PKP4: variants seen among roughly 807,000 people sequenced by gnomAD.
PKP4 encodes plakophilin-4.
Under a neutral mutation model 145.1 loss-of-function variants are expected in PKP4, and 90 were observed. The observed-to-expected ratio is 0.62, with a 90% CI of 0.52 to 0.74. PKP4 has a LOEUF of 0.74. Ranked by LOEUF, PKP4 falls within the 30% of genes least tolerant of loss-of-function variation. The pLI is 0.00. For synonymous variants in PKP4, 563 were observed against 577.2 expected (o/e 0.98, Z 0.35); for missense variants, 1,340 against 1,482.7 (o/e 0.90, Z 1.58).
At chr2:158,634,042 A>C in intron 8 of PKP4, 28 bp from the exon 9 acceptor site, 1 of 1,261,380 alleles carries the variant, frequency 7.9e-7, no homozygotes, top group Non-Finnish European at 1.2e-6. Context: ...AGAACATACT[A>C]ATCTTTTTCA....
intron 3 of PKP4, among the ~76,000 whole-genome samples, chr2:158,592,106 T>TATCATC (rs1292005355): frequency 1.3e-5 from 2 of 152,090 alleles, no homozygotes; most frequent in Non-Finnish European, 2.9e-5. Context: ...CCATTATCAT[T>TATCATC]ATCATCATTC....
At chr2:158,657,986 G>A in intron 11 of PKP4, 145 bp from the exon 12 acceptor site, 1 of 607,796 alleles carries the variant, frequency 1.6e-6, no homozygotes, top group Non-Finnish European at 2.9e-6. Flanking sequence ...CTCATTAGAG[G>A]TCTATTCCCA....
intron 1 of PKP4, among the ~76,000 whole-genome samples, chr2:158,520,270 G>T (rs929904905): frequency 6.6e-6 from 1 of 152,120 alleles, no homozygotes. Flanking sequence ...TATGTTAACC[G>T]TGTGTTTTAT....
chr2:158,599,900 A>G (rs1285512637), intron 3 of PKP4, among the ~76,000 whole-genome samples: 1 of 151,948 alleles, frequency 6.6e-6, no homozygotes, highest in Non-Finnish European at 1.5e-5. Context: ...TAATTTTCTG[A>G]CTCCTAATAT....
At chr2:158,643,194 G>A (rs189450494) in intron 11 of PKP4, among the ~76,000 whole-genome samples, 1 of 152,288 alleles carries the variant, frequency 6.6e-6, no homozygotes, top group Non-Finnish European at 1.5e-5. Context: ...GAGGAACACA[G>A]GTGGTTTTGT....
chr2:158,550,254 T>C (rs2045500945), intron 2 of PKP4, among the ~76,000 whole-genome samples: 1 of 142,290 alleles, frequency 7.0e-6, no homozygotes, highest in South Asian at 2.1e-4. Flanking sequence ...TTTGCCAGAG[T>C]TGTAAGAATG....
intron 3 of PKP4, among the ~76,000 whole-genome samples, chr2:158,579,414 T>C: frequency 6.6e-6 from 1 of 151,304 alleles, no homozygotes; most frequent in East Asian, 1.9e-4. Flanking sequence ...GCTTTGTTCG[T>C]CATGTATTTC....
At chr2:158,462,145 A>C (rs892115862) in intron 1 of PKP4, among the ~76,000 whole-genome samples, 3 of 152,186 alleles carry the variant, frequency 2.0e-5, no homozygotes, top group African/African-American at 7.2e-5. Flanking sequence ...GTGGTATCTG[A>C]AGTTTTGGCC....
intron 4 of PKP4, among the ~76,000 whole-genome samples, chr2:158,609,326 G>A (rs2050928709): frequency 6.6e-6 from 1 of 152,104 alleles, no homozygotes; most frequent in South Asian, 2.1e-4. Flanking sequence ...AATGAGGAGT[G>A]GCTTAAATTT....
intron 4 of PKP4, among the ~76,000 whole-genome samples, chr2:158,605,210 C>T (rs755971845): frequency 5.3e-5 from 8 of 152,288 alleles, no homozygotes; most frequent in Non-Finnish European, 7.3e-5. Context: ...CTGCTTTACA[C>T]GTCCTAGGAA....
At chr2:158,465,546 A>G (rs191662260) in intron 1 of PKP4, among the ~76,000 whole-genome samples, 1 of 152,136 alleles carries the variant, frequency 6.6e-6, no homozygotes, top group African/African-American at 2.4e-5. Flanking sequence ...ATGCAGCAGT[A>G]TTTTCGTTTA....
chr2:158,592,867 A>G (rs558097276), intron 3 of PKP4, among the ~76,000 whole-genome samples: 1 of 152,282 alleles, frequency 6.6e-6, no homozygotes, highest in South Asian at 2.1e-4. Context: ...ACTATTTGTA[A>G]TTATAAATTT....
chr2:158,653,879 T>G (rs3771673), intron 11 of PKP4, among the ~76,000 whole-genome samples: 29,988 of 152,178 alleles, frequency 0.2, 3,795 homozygotes, highest in Middle Eastern at 0.35. Flanking sequence ...TATTCATTAC[T>G]TACTGCCCTA....
At chr2:158,526,026 T>A (rs2042897679) in intron 1 of PKP4, among the ~76,000 whole-genome samples, 1 of 151,566 alleles carries the variant, frequency 6.6e-6, no homozygotes, top group East Asian at 2.0e-4. Flanking sequence ...CAGGACCAGA[T>A]GGATTCACAG....
At chr2:158,514,461 G>C (rs1330762084) in intron 1 of PKP4, among the ~76,000 whole-genome samples, 1 of 152,140 alleles carries the variant, frequency 6.6e-6, no homozygotes, top group African/African-American at 2.4e-5. Context: ...ACGAAATATA[G>C]TATTAAGCAC....
At chr2:158,581,380 G>A (rs543414195) in intron 3 of PKP4, among the ~76,000 whole-genome samples, 127 of 152,288 alleles carry the variant, frequency 8.3e-4, no homozygotes, top group Non-Finnish European at 1.6e-3. Context: ...GGATCCTGTG[G>A]CAGAGTTGGT....
intron 3 of PKP4, among the ~76,000 whole-genome samples, chr2:158,601,802 G>A (rs1186179818): frequency 1.3e-5 from 2 of 152,072 alleles, no homozygotes; most frequent in Non-Finnish European, 2.9e-5. Context: ...TGGAATCTAG[G>A]GTTTTCAACC....
intron 17 of PKP4, among the ~76,000 whole-genome samples, chr2:158,672,104 G>A (rs2057614341): frequency 6.6e-6 from 1 of 152,220 alleles, no homozygotes; most frequent in Non-Finnish European, 1.5e-5. Context: ...CCAAGGCAGG[G>A]CACCGCATCC....
At chr2:158,595,886 A>G (rs2049686492) in intron 3 of PKP4, among the ~76,000 whole-genome samples, 1 of 152,220 alleles carries the variant, frequency 6.6e-6, no homozygotes. Context: ...ACAGGGAACT[A>G]TGGAGCCCAG....
Sources: allele counts gnomAD v4.1 joint callset (sites outside exome capture counted in the v4.1 genomes callset), GRCh38; gene constraint gnomAD v4.1.1; transcripts MANE v1.5; gene names NCBI Gene and HGNC (gene_info 2026-07-23, HGNC 2026-07-21).